The following UNC93B1 variants were observed in gnomAD, a reference collection of about 807,000 sequenced individuals.
UNC93B1 encodes unc-93B1 regulator of TLR signaling.
In UNC93B1, 33 loss-of-function variants were observed where a neutral mutation model predicts 56.8. That is an observed-to-expected ratio of 0.58 (90% confidence interval 0.44 to 0.78). The LOEUF (loss-of-function observed/expected upper bound fraction) is 0.78. Among genes scored for constraint, UNC93B1 ranks in the 30% least tolerant of loss-of-function variants. The probability of loss-of-function intolerance (pLI) is 0.00; values close to 1 mark genes in which losing one functional copy is unlikely to be tolerated. For synonymous variants in UNC93B1, 334 were observed against 358.6 expected, an observed-to-expected ratio of 0.93 and a Z score of 0.77; for missense variants, 673 against 819.5, an observed-to-expected ratio of 0.82 and a Z score of 2.18.
chr11:67,992,585 G>A (rs1342129924), intron 10 of UNC93B1, among the ~76,000 whole-genome samples: 33 of 150,836 alleles, frequency 2.2e-4, no homozygotes, highest in African/African-American at 6.8e-4. Context: ...CAATCCTCCT[G>A]CCTCAGCCTC....
intron 9 of UNC93B1, among the ~76,000 whole-genome samples, chr11:67,995,220 A>G (rs1388976229): frequency 6.6e-6 from 1 of 152,142 alleles, no homozygotes; most frequent in African/African-American, 2.4e-5. Flanking sequence ...AGAATCCCTG[A>G]TGTGTTTTTC....
chr11:68,004,092 C>G lies in UNC93B1; in HGVS notation c.-49G>C, dbSNP rs1254916585. The stretch of plus-strand genomic sequence containing the variant: ...GGCGGTCGCCCCGGAGTCCCTGCGA[C>G]CGCCCGGCCACTTCCTCCCGGCGGC... On this transcript the variant is annotated 5_prime_UTR_variant, in exon 1 of 11. Transcript: ENST00000227471. 7.9e-7 allele frequency: 1 copy of G among 1,273,756 alleles called. No homozygotes were observed. Among genetic ancestry groups the G allele is most frequent in the Non-Finnish European group, 9.9e-7 (1 of 1,007,894 alleles). 78.9% of individuals were successfully genotyped at this position (1,273,756 alleles called of 1,614,324 possible). A position where few individuals can be genotyped will look rare whatever the true frequency, so the allele number is the denominator to read the frequency against.
chr11:68,003,105 C>T lies in UNC93B1; in HGVS notation c.309G>A (p.Gly103=). 6.2e-7 allele frequency: 1 copy of T among 1,613,582 alleles called. No homozygotes were observed. Among genetic ancestry groups the T allele is most frequent in the South Asian group, 1.1e-5 (1 of 91,036 alleles). Residue 103 remains glycine, a synonymous_variant, in exon 3 of 11, where the codon GGG becomes GGA. Transcript: ENST00000227471. The surrounding 1 kb of genome is among the most constrained non-coding windows in gnomAD (Gnocchi z 4.4). ...GCATTTTGCTGTCGATGTCGGGCAG[C>T]CCCATGTTGCCATACTTCACCTCGC... ...TYREVKYGNM[G]LPDIDSKMLM...
At position 67,998,348 on chromosome 11, in the gene UNC93B1, C is replaced by T. The variant is rs1856985382; in HGVS notation, c.781+11G>A. The T allele has an allele frequency of 6.2e-7, 1 of 1,613,940 alleles. No individual in the cohort carries two copies. The highest frequency in any genetic ancestry group is 1.3e-5 in the African/African-American group (1 of 75,064). On this transcript the variant is annotated intron_variant, in intron 6 of 10. Transcript: ENST00000227471. ...TTGTGGACTCCTCCCCAACCCCCAA[C>T]AAGGACTAACCGCAGCTCTGCACAT...
chr11:67,999,046 G>A, intron 5 of UNC93B1, 127 bp downstream of exon 5: 1 of 1,422,604 alleles, frequency 7.0e-7, no homozygotes, highest in Non-Finnish European at 9.4e-7. Flanking sequence ...GCAACATAGT[G>A]AGACCAGGCC....
chr11:67,999,543 G>C lies in UNC93B1; in HGVS notation c.530C>G (p.Ala177Gly). The change falls in exon 4 of 11, where the codon GCT becomes GGT. Residue 177 changes from alanine to glycine, a missense_variant. Coordinates refer to ENST00000227471, the MANE Select transcript of UNC93B1 (RefSeq NM_030930.4). ...CCTGGTGATGTAGTTGCCCATGGAA[G>C]CCCAAAGAGGCACGATGGCCATGCC... ...ALGMAIVPLW[A>G]SMGNYITRMA... 4 of 1,560,882 alleles carry C rather than the reference G, an allele frequency of 2.6e-6. No individual in the cohort carries two copies. The highest frequency in any genetic ancestry group is 3.5e-6 in the Non-Finnish European group (4 of 1,153,026).
At chr11:68,001,714 A>G (rs1857048084) in intron 3 of UNC93B1, among the ~76,000 whole-genome samples, 1 of 152,076 alleles carries the variant, frequency 6.6e-6, no homozygotes, top group East Asian at 1.9e-4. Flanking sequence ...ACAAGGAAAC[A>G]GATGTAAGCA....
At chr11:68,002,482 G>A (rs773220817) in intron 3 of UNC93B1, among the ~76,000 whole-genome samples, 1 of 152,098 alleles carries the variant, frequency 6.6e-6, no homozygotes, top group African/African-American at 2.4e-5. Flanking sequence ...TTGTCCACTG[G>A]TCTCCAGGTC....
At chr11:67,999,476 G>A (rs1257334514) in intron 4 of UNC93B1, 43 bp downstream of exon 4, 1 of 1,544,004 alleles carries the variant, frequency 6.5e-7, no homozygotes, top group South Asian at 1.2e-5. Flanking sequence ...GTGGAGGCTT[G>A]GCCAGGTCTC....
At chr11:67,994,499 C>G (rs1856902245) in intron 9 of UNC93B1, among the ~76,000 whole-genome samples, 1 of 152,188 alleles carries the variant, frequency 6.6e-6, no homozygotes, top group Non-Finnish European at 1.5e-5. Flanking sequence ...ATGAACACTC[C>G]TGTTTTGGGG....
intron 5 of UNC93B1, among the ~76,000 whole-genome samples, chr11:67,998,941 G>A (rs935708565): frequency 6.6e-6 from 1 of 152,020 alleles, no homozygotes; most frequent in African/African-American, 2.4e-5. Context: ...AGAAATGAAG[G>A]TGGGGCAGAT....
rs1590764494 is a variant in UNC93B1 at position 68,003,573 on chromosome 11, C to A, written c.238+84G>T. The A allele has an allele frequency of 1.4e-6, 2 of 1,458,180 alleles. No homozygotes were observed. The highest frequency in any genetic ancestry group is 1.8e-6 in the Non-Finnish European group (2 of 1,107,186). The allele number at this position is 1,458,180 out of a possible 1,614,324, so 90.3% of individuals were successfully genotyped here. ...GCAGCGGAGGGGAAGTGAGAGCGGG[C>A]GGGAGGCGGCGGCCCGCGGTTTCTG... On this transcript the variant is annotated intron_variant, in intron 2 of 10. Coordinates refer to ENST00000227471, the MANE Select transcript of UNC93B1 (RefSeq NM_030930.4). The surrounding 1 kb of genome is among the most constrained non-coding windows in gnomAD (Gnocchi z 4.4).
intron 9 of UNC93B1, 131 bp downstream of exon 9, chr11:67,995,480 C>G (rs1856922883): frequency 1.2e-6 from 1 of 802,032 alleles, no homozygotes; most frequent in African/African-American, 1.7e-5. Flanking sequence ...TCTGCCATGT[C>G]CACAGGACCC....
In UNC93B1 at chr11:67,999,639, A is replaced by G; in HGVS notation, c.434T>C (p.Ile145Thr). ...GTTGGTGGAGACAAAGAGGGCGTAG[A>G]TGCCCACAGCGAGGAACATCATCCA... ...TKWMMFLAVG[I>T]YALFVSTNYW... Residue 145 changes from isoleucine (I) to threonine (T), a missense_variant, in exon 4 of 11, where the codon ATC becomes ACC. Around this residue, in one of 3 missense-constraint regions of UNC93B1, gnomAD observed 438 missense variants for 465.9 expected, o/e 0.94. Transcript: ENST00000227471. 1.9e-6 allele frequency: 3 copies of G among 1,611,824 alleles called. No homozygotes were observed. The highest frequency in any genetic ancestry group is 2.5e-6 in the Non-Finnish European group (3 of 1,179,070).
At chr11:67,997,497 G>A (rs1856967989) in intron 7 of UNC93B1, 178 bp downstream of exon 7, 1 of 1,120,854 alleles carries the variant, frequency 8.9e-7, no homozygotes, top group South Asian at 1.6e-5. Flanking sequence ...CCTCATGCCC[G>A]CTCTGCAGCA....
chr11:67,999,334 C>T (rs1857005561), intron 4 of UNC93B1, 29 bp from the exon 5 acceptor site: 3 of 1,594,218 alleles, frequency 1.9e-6, no homozygotes, highest in Non-Finnish European at 2.6e-6. Context: ...AAGGCTCTCC[C>T]CAGCCCGACC....
chr11:67,991,248 CAAG>C lies in UNC93B1; in HGVS notation c.*295_*297del, dbSNP rs1410955876. ...TGGGGATCTGGAGCGGGCCGGGTCG[CAAG>C]AAGACCCTGACCGTGCTCCGGCGCT... On this transcript the variant is annotated 3_prime_UTR_variant, in exon 11 of 11. Transcript: ENST00000227471. 2 of 324,574 alleles carry C rather than the reference CAAG, an allele frequency of 6.2e-6. No homozygotes were observed. Among genetic ancestry groups the C allele is most frequent in the Admixed American group, 5.0e-5 (1 of 20,074 alleles). 20.1% of individuals were successfully genotyped at this position (324,574 alleles called of 1,614,324 possible).
chr11:68,003,424 G>T lies in UNC93B1; in HGVS notation c.238+233C>A. Reference sequence around the variant, plus strand: ...CTCCAATTCTGACGGTGGCAGGTCTGTCCGGGAGCCCGGACCCCCGTCCCC... The same window carrying T: ...CTCCAATTCTGACGGTGGCAGGTCTTTCCGGGAGCCCGGACCCCCGTCCCC... On this transcript the variant is annotated intron_variant, in intron 2 of 10. Coordinates refer to ENST00000227471, the MANE Select transcript of UNC93B1 (RefSeq NM_030930.4). The surrounding 1 kb of genome is among the most constrained non-coding windows in gnomAD (Gnocchi z 4.4). 1.2e-6 allele frequency: 1 copy of T among 819,488 alleles called. No homozygotes were observed. Among genetic ancestry groups the T allele is most frequent in the Non-Finnish European group, 1.8e-6 (1 of 555,688 alleles). The allele number at this position is 819,488 out of a possible 1,614,324, so 50.8% of individuals were successfully genotyped here.
At chr11:67,992,618 G>A (rs985713381) in intron 10 of UNC93B1, among the ~76,000 whole-genome samples, 7 of 150,500 alleles carry the variant, frequency 4.7e-5, no homozygotes, top group Non-Finnish European at 4.4e-5. Flanking sequence ...GATTACAGGC[G>A]TGAGCCACCA....
Sources: gnomAD v4.1 joint callset for allele counts (sites outside exome capture counted in the v4.1 genomes callset) on GRCh38, gnomAD v4.1.1 for gene constraint, gnomAD v4.1.1 regional missense constraint, Gnocchi (gnomAD v3.1) non-coding constraint, MANE v1.5 for transcripts, NCBI Gene and HGNC (gene_info 2026-07-23, HGNC 2026-07-21) for gene names.